MYO18A: variants seen among roughly 807,000 people sequenced by gnomAD.
MYO18A encodes myosin XVIIIA.
A neutral mutation model predicts 235.8 loss-of-function variants in MYO18A; 78 were observed. That is an observed-to-expected ratio of 0.33 (90% CI 0.28 to 0.40). The LOEUF is 0.40. Ranked by LOEUF, MYO18A falls within the 10% of genes least tolerant of loss-of-function variation. The pLI, the probability that MYO18A is intolerant of heterozygous loss-of-function variation, is 1.00. For missense variants in MYO18A, 2,215 were observed against 2,699.3 expected, an observed-to-expected ratio of 0.82 and a Z score of 3.98; for synonymous variants, 977 against 1,077.8, an observed-to-expected ratio of 0.91 and a Z score of 1.83.
In MYO18A at chr17:29,120,073, CTCAA is replaced by C. The variant is rs2067161283; in HGVS notation, c.1728+539_1728+542del. Among the ~76,000 whole-genome samples, 1 of 152,112 alleles carries C rather than the reference CTCAA, an allele frequency of 6.6e-6. No individual in the cohort carries two copies. Among genetic ancestry groups the C allele is most frequent in the Non-Finnish European group, 1.5e-5 (1 of 68,042 alleles). ...GCAGGTGCATCTTATTCCCAAGGTGCTCAATCAGATACCAGATCCCTCTAGGATC... is the reference window on the plus strand; with the variant it reads ...GCAGGTGCATCTTATTCCCAAGGTGCTCAGATACCAGATCCCTCTAGGATC... On this transcript the variant is annotated intron_variant, in intron 7 of 41. Coordinates refer to ENST00000527372, the MANE Select transcript of MYO18A (RefSeq NM_078471.4). This position sits in a 1 kb window ranked among gnomAD's most constrained non-coding sequence, Gnocchi z 4.2.
At chr17:29,169,483 T>A (rs995313206) in intron 1 of MYO18A, among the ~76,000 whole-genome samples, 1 of 152,124 alleles carries the variant, frequency 6.6e-6, no homozygotes, top group Non-Finnish European at 1.5e-5. Flanking sequence ...GAGGAGTACC[T>A]GACAGCCAGC....
rs2066802189 is a variant in MYO18A, at chr17:29,106,959, CTG to C, written c.3441+119_3441+120del. On this transcript the variant is annotated intron_variant, in intron 20 of 41. Coordinates refer to ENST00000527372, the MANE Select transcript of MYO18A (RefSeq NM_078471.4). This position sits in a 1 kb window ranked among gnomAD's most constrained non-coding sequence, Gnocchi z 4.6. ...AGGACACAGCTGGGTGCTTCCAAAA[CTG>C]GGAGCCTGAGCAGGGCCAGATGAGC... 1 of 961,244 alleles carries C rather than the reference CTG, an allele frequency of 1.0e-6. No homozygotes were observed. Among genetic ancestry groups the C allele is most frequent in the African/African-American group, 1.6e-5 (1 of 61,850 alleles). 59.5% of individuals were successfully genotyped at this position (961,244 alleles called of 1,614,324 possible).
In MYO18A at chr17:29,094,916, T is replaced by A; in HGVS notation, c.4509+20A>T. ...GGTTGTGAGGGGGACAGGGCACAGATGGTGGGTGGCCCTACCCACCTCTAG... is the reference window on the plus strand; with the variant it reads ...GGTTGTGAGGGGGACAGGGCACAGAAGGTGGGTGGCCCTACCCACCTCTAG... On this transcript the variant is annotated intron_variant, in intron 29 of 41. Transcript: ENST00000527372. The A allele has an allele frequency of 6.2e-7, 1 of 1,612,104 alleles. No individual in the cohort carries two copies. Among genetic ancestry groups the A allele is most frequent in the Non-Finnish European group, 8.5e-7 (1 of 1,178,384 alleles).
Position 29,140,473 on chromosome 17 carries a change from C to A in MYO18A, c.1000-18220G>T. 8.4e-7 allele frequency: 1 copy of A among 1,191,834 alleles called. No individual in the cohort carries two copies. Among genetic ancestry groups the A allele is most frequent in the Non-Finnish European group, 1.1e-6 (1 of 937,434 alleles). 73.8% of individuals were successfully genotyped at this position (1,191,834 alleles called of 1,614,324 possible). On this transcript the variant is annotated intron_variant, in intron 2 of 41. Coordinates refer to ENST00000527372, the MANE Select transcript of MYO18A (RefSeq NM_078471.4). This position sits in a 1 kb window ranked among gnomAD's most constrained non-coding sequence, Gnocchi z 4.2. ...CGCCCTCTCCCCGGCCCCTCCCGTC[C>A]CGAGCTGCCCAGCCCTAGTTGGAGC... is the stretch of plus-strand genomic sequence containing the variant.
rs71135871 is a variant in MYO18A at position 29,130,474 on chromosome 17, CCACACACACACACACACACACACACACA to C, written c.1000-8249_1000-8222del. On this transcript the variant is annotated intron_variant, in intron 2 of 41. Coordinates refer to ENST00000527372, the MANE Select transcript of MYO18A (RefSeq NM_078471.4). ...ATTCTGGGCAACTCTGAGGCCTCTC[CCACACACACACACACACACACACACACA>C]CACACACACACACACACACACACAC... is the stretch of plus-strand genomic sequence containing the variant. 8.4e-5 allele frequency among the ~76,000 whole-genome samples: 12 copies of C among 142,240 alleles called. No homozygotes were observed. The South Asian group carries it at 1.1e-3, about 13-fold the overall frequency. 93.3% of individuals were successfully genotyped at this position (142,240 alleles called of 152,430 possible).
At chr17:29,129,408 T>C (rs920843204) in intron 2 of MYO18A, among the ~76,000 whole-genome samples, 3 of 152,192 alleles carry the variant, frequency 2.0e-5, no homozygotes, top group Non-Finnish European at 4.4e-5. Flanking sequence ...TGGTATACTC[T>C]AGCTGGTGTG....
intron 3 of MYO18A, 52 bp from the exon 4 acceptor site, chr17:29,122,009 C>A (rs2067212920): frequency 1.9e-6 from 3 of 1,588,744 alleles, no homozygotes; most frequent in Non-Finnish European, 2.6e-6. Flanking sequence ...CTCTGCTACT[C>A]CACTTGGGAA....
chr17:29,153,270 C>A (rs557752033), intron 2 of MYO18A, among the ~76,000 whole-genome samples: 2 of 152,282 alleles, frequency 1.3e-5, no homozygotes, highest in East Asian at 1.9e-4. Context: ...CAGGCACACA[C>A]CACCATGCCC....
chr17:29,097,722 A>G, intron 26 of MYO18A, 66 bp downstream of exon 26: 1 of 1,401,726 alleles, frequency 7.1e-7, no homozygotes, highest in Non-Finnish European at 9.9e-7. Flanking sequence ...GGGCATGACT[A>G]CCCAGGGGTG....
chr17:29,166,217 C>A lies in MYO18A; in HGVS notation c.724G>T (p.Asp242Tyr). The change falls in exon 2 of 42, where the codon GAT (aspartate) becomes TAT (tyrosine). Residue 242 changes from aspartate (D) to tyrosine (Y), a missense_variant. Asp to Tyr is a radical substitution (Grantham distance 160). Transcript: ENST00000527372. Reference protein sequence around the residue: ...GFSLRRTTMLDRGPEGQACRR... With the variant: ...GFSLRRTTMLYRGPEGQACRR... ...CAGGCCTGGCCCTCGGGGCCCCGAT[C>A]CAGCATGGTTGTGCGCCGCAGGGAG... 6.2e-7 allele frequency: 1 copy of A among 1,612,954 alleles called. No individual in the cohort carries two copies. The highest frequency in any genetic ancestry group is 8.5e-7 in the Non-Finnish European group (1 of 1,179,888).
rs746811969 is a variant in MYO18A at position 29,121,875 on chromosome 17, A to G, written c.1170T>C (p.Asp390=). The change falls in exon 4 of 42, where the codon GAT becomes GAC. Residue 390 remains aspartate (D), a synonymous_variant. Transcript: ENST00000527372. The surrounding 1 kb of genome is among the most constrained non-coding windows in gnomAD (Gnocchi z 4.2). ...VKLDHDGAIL[D]VDEDDVEKAN... The stretch of plus-strand genomic sequence containing the variant: ...CCTTCTCAACGTCATCCTCATCCAC[A>G]TCCAGGATGGCCCCATCGTGGTCCA... 2.5e-6 allele frequency: 4 copies of G among 1,613,410 alleles called. No individual in the cohort carries two copies. Among genetic ancestry groups the G allele is most frequent in the Non-Finnish European group, 3.4e-6 (4 of 1,179,724 alleles).
chr17:29,097,563 A>G (rs1190487110), intron 26 of MYO18A, among the ~76,000 whole-genome samples: 1 of 152,204 alleles, frequency 6.6e-6, no homozygotes, highest in East Asian at 1.9e-4. Flanking sequence ...GTGCCCCCCA[A>G]AGGACTGCTG....
chr17:29,175,313 G>C (rs2068498443), intron 1 of MYO18A, among the ~76,000 whole-genome samples: 1 of 151,556 alleles, frequency 6.6e-6, no homozygotes, highest in Admixed American at 6.6e-5. Flanking sequence ...TTACACCTAG[G>C]AGCTTCAGGG....
chr17:29,128,257 C>T (rs574558945), intron 2 of MYO18A: 46 of 1,168,088 alleles, frequency 3.9e-5, no homozygotes, highest in Admixed American at 7.7e-5. Flanking sequence ...TGCTTCGAGT[C>T]GGGTGCTCGG....
In MYO18A at chr17:29,110,466, C is replaced by G. The variant is rs1176353181; in HGVS notation, c.3057G>C (p.Lys1019Asn). Reference sequence around the variant, plus strand: ...GTAGCTTCATCTGGATGCACAGTGACTTCTTTTTGACAGCCGCCATGCCTG... The same window carrying G: ...GTAGCTTCATCTGGATGCACAGTGAGTTCTTTTTGACAGCCGCCATGCCTG... ...FTTGMAAVKK[K>N]SLCIQMKLQV... Residue 1019 changes from lysine to asparagine, a missense_variant, in exon 18 of 42, where the codon AAG becomes AAC. By Grantham distance (94) the Lys-to-Asn change is moderately conservative. Coordinates refer to ENST00000527372, the MANE Select transcript of MYO18A (RefSeq NM_078471.4). 1.3e-6 allele frequency: 2 copies of G among 1,595,796 alleles called. No homozygotes were observed. The highest frequency in any genetic ancestry group is 1.7e-6 in the Non-Finnish European group (2 of 1,171,736).
rs767128634 is a variant in MYO18A, at chr17:29,111,549, G to A, written c.2775C>T (p.His925=). The A allele has an allele frequency of 5.0e-6, 8 of 1,613,788 alleles. No individual in the cohort carries two copies. The Admixed American group carries it at 1.2e-4, about 24-fold the overall frequency. Reference sequence around the variant, plus strand: ...CATGGCTGTGGCCCAGGAGAAAGTGGTGTGGTTTGCTGCTGTGCAGAAGGG... The same window carrying A: ...CATGGCTGTGGCCCAGGAGAAAGTGATGTGGTTTGCTGCTGTGCAGAAGGG... ...QSPLLHSSKP[H]HFLLGHSHGT... is the part of the protein sequence containing the mutation. Residue 925 remains histidine (H), a synonymous_variant, in exon 17 of 42, where the codon CAC becomes CAT. Transcript: ENST00000527372. The surrounding 1 kb of genome is among the most constrained non-coding windows in gnomAD (Gnocchi z 5.1).
At chr17:29,102,581 G>C (rs897295504) in intron 21 of MYO18A, among the ~76,000 whole-genome samples, 1 of 152,192 alleles carries the variant, frequency 6.6e-6, no homozygotes, top group African/African-American at 2.4e-5. Context: ...CAGAGAACAA[G>C]GAGAGAAACA....
At chr17:29,113,340 C>T (rs970762209) in intron 15 of MYO18A, among the ~76,000 whole-genome samples, 1 of 152,218 alleles carries the variant, frequency 6.6e-6, no homozygotes, top group African/African-American at 2.4e-5. Flanking sequence ...CAATAAAGCA[C>T]CTTATGCAAT....
At position 29,109,072 on chromosome 17, in the gene MYO18A, T is replaced by C. The variant is rs192139767; in HGVS notation, c.3331+786A>G. On this transcript the variant is annotated intron_variant, in intron 19 of 41. Coordinates refer to ENST00000527372, the MANE Select transcript of MYO18A (RefSeq NM_078471.4). This position sits in a 1 kb window ranked among gnomAD's most constrained non-coding sequence, Gnocchi z 4.1. ...GGAATGCCTGAAGGGGACCTGGCTG[T>C]GGGTGGGTGGGACCCTACCTGCTCT... Among the ~76,000 whole-genome samples, 469 of 151,802 alleles carry C rather than the reference T, an allele frequency of 3.1e-3. 3 individuals carry two copies. The highest frequency in any genetic ancestry group is 5.1e-3 in the Admixed American group (78 of 15,236).
Sources: allele counts gnomAD v4.1 joint callset (sites outside exome capture counted in the v4.1 genomes callset), GRCh38; gene constraint gnomAD v4.1.1; non-coding constraint Gnocchi (gnomAD v3.1); transcripts MANE v1.5; gene names NCBI Gene and HGNC (gene_info 2026-07-23, HGNC 2026-07-21).